The following DENND2B variants were observed in gnomAD, a reference collection of about 807,000 sequenced individuals.
The protein encoded by DENND2B is DENN domain-containing protein 2B.
DENND2B carries 32 observed loss-of-function variants against 116.0 expected under a neutral mutation model. The observed-to-expected ratio is 0.28, with a 90% CI of 0.21 to 0.37. DENND2B has a LOEUF of 0.37. DENND2B is among the 10% of genes least tolerant of loss of function. DENND2B has a pLI of 1.00. For missense variants in DENND2B, 1,276 were observed against 1,477.7 expected, an observed-to-expected ratio of 0.86 and a Z score of 2.24; for synonymous variants, 588 against 583.9, an observed-to-expected ratio of 1.01 and a Z score of -0.10.
At chr11:8,761,031 GA>G (rs2054529986) in intron 1 of DENND2B, among the ~76,000 whole-genome samples, 1 of 152,018 alleles carries the variant, frequency 6.6e-6, no homozygotes, top group African/African-American at 2.4e-5. Flanking sequence ...CCTCCTCAAA[GA>G]AAGCCCTTTA....
chr11:8,843,022 C>G (rs960265268), intron 3 of DENND2B, among the ~76,000 whole-genome samples: 2 of 138,460 alleles, frequency 1.4e-5, no homozygotes, highest in African/African-American at 5.2e-5. Flanking sequence ...CTTCTTTTCT[C>G]TCTTTTTTTT....
At chr11:8,805,278 G>A (rs912330830) in intron 1 of DENND2B, among the ~76,000 whole-genome samples, 9 of 152,136 alleles carry the variant, frequency 5.9e-5, no homozygotes, top group African/African-American at 2.2e-4. Context: ...CACTCACTGA[G>A]TACCTAAGAG....
At chr11:8,831,238 A>G (rs543776250) in intron 4 of DENND2B, among the ~76,000 whole-genome samples, 1 of 152,334 alleles carries the variant, frequency 6.6e-6, no homozygotes, top group Admixed American at 6.5e-5. Context: ...ATAAGTATGT[A>G]ATGGGTGTAA....
upstream of DENND2B, chr11:8,811,179 C>T (rs555001063): frequency 1.5e-5 from 6 of 397,730 alleles, no homozygotes; most frequent in African/African-American, 8.2e-5. Flanking sequence ...GGGATTTTTC[C>T]GGGCAGCAGT....
chr11:8,775,080 C>T (rs1180169584), intron 1 of DENND2B, among the ~76,000 whole-genome samples: 2 of 151,882 alleles, frequency 1.3e-5, no homozygotes, highest in African/African-American at 4.8e-5. Flanking sequence ...GGGGTTTCAC[C>T]ATGTTGGCCA....
rs1565657940 is a variant in DENND2B at position 8,707,549 on chromosome 11, CA to C, written c.2430+227del. On this transcript the variant is annotated intron_variant, in intron 12 of 19. Transcript: ENST00000313726. This position sits in a 1 kb window ranked among gnomAD's most constrained non-coding sequence, Gnocchi z 4.8. ...GCCTAGGGCCCAGGGTGGGCTGTGA[CA>C]GGGGCAGACACTGCCAGCACAGGAG... Among the ~76,000 whole-genome samples, 3 of 152,242 alleles carry C rather than the reference CA, an allele frequency of 2.0e-5. No individual in the cohort carries two copies. The highest frequency in any genetic ancestry group is 4.8e-5 in the African/African-American group (2 of 41,472).
chr11:8,850,676 T>C (rs2062973617), intron 3 of DENND2B, among the ~76,000 whole-genome samples: 1 of 152,244 alleles, frequency 6.6e-6, no homozygotes, highest in Non-Finnish European at 1.5e-5. Context: ...CTACTGAGCA[T>C]ATATCCAAAG....
At chr11:8,776,054 C>A in intron 1 of DENND2B, 1 of 352,734 alleles carries the variant, frequency 2.8e-6, no homozygotes, top group Middle Eastern at 9.9e-4. Context: ...TCTTCCTTCC[C>A]TCTTCAGCCA....
chr11:8,757,821 G>A (rs2053880421), intron 1 of DENND2B, among the ~76,000 whole-genome samples: 1 of 152,168 alleles, frequency 6.6e-6, no homozygotes, highest in Non-Finnish European at 1.5e-5. Flanking sequence ...CACCAGCTCT[G>A]GGCCAGGACC....
chr11:8,721,850 G>A (rs527818374), intron 4 of DENND2B, among the ~76,000 whole-genome samples: 2 of 152,242 alleles, frequency 1.3e-5, no homozygotes, highest in Non-Finnish European at 2.9e-5. Flanking sequence ...TGACTGGCCC[G>A]GTCCCCGGCT....
chr11:8,707,957 T>C lies in DENND2B; in HGVS notation c.2353-103A>G. 6.5e-7 allele frequency: 1 copy of C among 1,539,232 alleles called. No homozygotes were observed. The highest frequency in any genetic ancestry group is 8.7e-7 in the Non-Finnish European group (1 of 1,146,192). On this transcript the variant is annotated intron_variant, in intron 11 of 19. Transcript: ENST00000313726. The surrounding 1 kb of genome is among the most constrained non-coding windows in gnomAD (Gnocchi z 4.8). ...GGGAACGGAGGAGTAAGGACTGCCC[T>C]TCTAGTGGAGGAAGACTTTAAGCCT... is the stretch of plus-strand genomic sequence containing the variant.
chr11:8,886,072 C>A (rs200321158), intron 1 of DENND2B, among the ~76,000 whole-genome samples: 2 of 152,172 alleles, frequency 1.3e-5, no homozygotes, highest in East Asian at 3.9e-4. Flanking sequence ...TCCCATGTAG[C>A]TAAGACTACA....
chr11:8,897,737 T>C (rs2064120215), intron 1 of DENND2B, among the ~76,000 whole-genome samples: 1 of 152,178 alleles, frequency 6.6e-6, no homozygotes, highest in Non-Finnish European at 1.5e-5. Context: ...ATGTGAAGCC[T>C]TGCATACATA....
At chr11:8,776,853 C>G (rs942801542) in intron 1 of DENND2B, among the ~76,000 whole-genome samples, 9 of 152,114 alleles carry the variant, frequency 5.9e-5, no homozygotes, top group African/African-American at 1.9e-4. Context: ...AGCCAGGGAA[C>G]AGAGAGAGAA....
At chr11:8,711,751 C>A (rs2043737476) in intron 9 of DENND2B, among the ~76,000 whole-genome samples, 1 of 152,146 alleles carries the variant, frequency 6.6e-6, no homozygotes. Flanking sequence ...CCTGTAATCC[C>A]AGCTACTTGG....
intron 4 of DENND2B, among the ~76,000 whole-genome samples, chr11:8,835,062 A>G (rs1376832375): frequency 2.0e-5 from 3 of 152,182 alleles, no homozygotes; most frequent in South Asian, 2.1e-4. Context: ...CCTGGGCAAC[A>G]TGGCAAAACC....
chr11:8,790,621 T>C (rs189834907), intron 1 of DENND2B, among the ~76,000 whole-genome samples: 24 of 152,146 alleles, frequency 1.6e-4, no homozygotes, highest in African/African-American at 5.8e-4. Context: ...TTTTAAAAAT[T>C]AGCCAAGCAT....
At chr11:8,841,029 G>A (rs1451196015) in intron 3 of DENND2B, among the ~76,000 whole-genome samples, 1 of 152,056 alleles carries the variant, frequency 6.6e-6, no homozygotes, top group Non-Finnish European at 1.5e-5. Flanking sequence ...TCTTAATGTT[G>A]CACTACTAAA....
At chr11:8,899,888 T>C (rs1334007843) in intron 1 of DENND2B, among the ~76,000 whole-genome samples, 2 of 152,200 alleles carry the variant, frequency 1.3e-5, no homozygotes, top group Non-Finnish European at 2.9e-5. Context: ...AACACTGTCT[T>C]GTTGGATCTG....
Sources: allele counts gnomAD v4.1 joint callset (sites outside exome capture counted in the v4.1 genomes callset), GRCh38; gene constraint gnomAD v4.1.1; non-coding constraint Gnocchi (gnomAD v3.1); transcripts MANE v1.5; gene names NCBI Gene and HGNC (gene_info 2026-07-23, HGNC 2026-07-21).